Variants in ZBTB44 observed in about 807,000 individuals in gnomAD.
ZBTB44 encodes the protein zinc finger and BTB domain-containing protein 44.
ZBTB44 carries 15 observed loss-of-function variants against 54.0 expected under a neutral mutation model. The ratio of observed to expected loss-of-function variants is 0.28; its 90% CI spans 0.19 to 0.43. The LOEUF (loss-of-function observed/expected upper bound fraction) is 0.43, where lower values mean the gene tolerates loss of function less well. ZBTB44 is among the 20% of genes least tolerant of loss of function. The pLI is 1.00. For synonymous variants in ZBTB44, 230 were observed against 250.1 expected, an observed-to-expected ratio of 0.92 and a Z score of 0.76; for missense variants, 487 against 707.1, an observed-to-expected ratio of 0.69 and a Z score of 3.53.
intron 1 of ZBTB44, among the ~76,000 whole-genome samples, chr11:130,301,233 T>C (rs1318055025): frequency 6.6e-6 from 1 of 152,176 alleles, no homozygotes; most frequent in Non-Finnish European, 1.5e-5. Flanking sequence ...AGTTTATTGG[T>C]GGCGTGGTGA....
At chr11:130,245,668 T>C (rs1954610388) in intron 2 of ZBTB44, among the ~76,000 whole-genome samples, 1 of 151,532 alleles carries the variant, frequency 6.6e-6, no homozygotes, top group Non-Finnish European at 1.5e-5. Flanking sequence ...CACTATCAGG[T>C]TGTGAGAAGG....
Position 130,310,743 on chromosome 11 carries a change from T to C in ZBTB44, c.-57+3632A>G, listed in dbSNP as rs562476392. ...AGGTTTATCCAAATATAGTTTTTTT[T>C]TGTTTTGTTTTGCTTTTGAGATGGA... On this transcript the variant is annotated intron_variant, in intron 1 of 7. Coordinates refer to ENST00000357899, the MANE Select transcript of ZBTB44 (RefSeq NM_001301098.2). Among the ~76,000 whole-genome samples the C allele has an allele frequency of 5.3e-5, 8 of 152,244 alleles. No homozygotes were observed. In the South Asian group the frequency reaches 1.7e-3, roughly 32 times the overall value.
At chr11:130,313,907 G>GGTGTGT (rs59629267) in intron 1 of ZBTB44, among the ~76,000 whole-genome samples, 3,519 of 149,218 alleles carry the variant, frequency 0.024, 75 homozygotes, top group African/African-American at 0.054. Flanking sequence ...AAGGAAAAGA[G>GGTGTGT]GTGTGTGTGT....
intron 1 of ZBTB44, among the ~76,000 whole-genome samples, chr11:130,282,949 A>C (rs1204562329): frequency 6.6e-6 from 1 of 151,782 alleles, no homozygotes; most frequent in African/African-American, 2.4e-5. Context: ...AGTAGCTGGG[A>C]CTACAGGTCC....
chr11:130,282,802 G>A (rs903930449), intron 1 of ZBTB44, among the ~76,000 whole-genome samples: 12 of 152,070 alleles, frequency 7.9e-5, no homozygotes, highest in Admixed American at 3.3e-4. Flanking sequence ...CACGACACAC[G>A]ACAGCAGATG....
rs138984382 is a variant in ZBTB44 at position 130,246,477 on chromosome 11, A to G, written c.1019-6581T>C. On this transcript the variant is annotated intron_variant, in intron 2 of 7. Coordinates refer to ENST00000357899, the MANE Select transcript of ZBTB44 (RefSeq NM_001301098.2). ...ACAGTAAAACTGATTCACAGAGACA[A>G]TCAGCTTTATATGGGTCAGGGCTAG... 1.6e-3 allele frequency among the ~76,000 whole-genome samples: 240 copies of G among 152,254 alleles called. 5 individuals carry two copies. The South Asian group carries it at 0.035, about 22-fold the overall frequency.
At chr11:130,296,509 A>ACTGGACATTC in intron 1 of ZBTB44, 1 of 911,960 alleles carries the variant, frequency 1.1e-6, no homozygotes, top group Non-Finnish European at 1.7e-6. Context: ...TGGCAAGAGG[A>ACTGGACATTC]CTGGACATTC....
intron 1 of ZBTB44, among the ~76,000 whole-genome samples, chr11:130,311,719 G>C (rs1194763842): frequency 6.6e-6 from 1 of 152,152 alleles, no homozygotes; most frequent in Non-Finnish European, 1.5e-5. Context: ...CAAACATCCA[G>C]AACTTGGTTT....
rs776015314 is a variant in ZBTB44 at position 130,230,238 on chromosome 11, A to G, written c.*1526T>C. On this transcript the variant is annotated 3_prime_UTR_variant, in exon 8 of 8. Transcript: ENST00000357899. ...AGATTAAGAGAAAAAATTAGAAATA[A>G]AAGACTGAAAGATTTAATACAGCTT... is the stretch of plus-strand genomic sequence containing the variant. 5.9e-5 allele frequency: 9 copies of G among 152,004 alleles called. No individual in the cohort carries two copies. The highest frequency in any genetic ancestry group is 8.8e-5 in the Non-Finnish European group (6 of 67,894). The allele number at this position is 152,004 out of a possible 1,614,324, so 9.4% of individuals were successfully genotyped here. A position where few individuals can be genotyped will look rare whatever the true frequency, so the allele number is the denominator to read the frequency against.
chr11:130,274,031 T>C (rs1939873532), intron 1 of ZBTB44, among the ~76,000 whole-genome samples: 1 of 151,824 alleles, frequency 6.6e-6, no homozygotes, highest in South Asian at 2.1e-4. Flanking sequence ...GAGGTTTCAG[T>C]GAGCCAAGAG....
rs761474532 is a variant in ZBTB44, at chr11:130,260,918, G to A, written c.956C>T (p.Thr319Ile). The change falls in exon 2 of 8, where the codon ACA becomes ATA. Residue 319 changes from threonine (T) to isoleucine (I), a missense_variant. By Grantham distance (89) the Thr-to-Ile change is moderately conservative. Around this residue, in one of 3 missense-constraint regions of ZBTB44, gnomAD observed 277 missense variants for 306.5 expected, o/e 0.90. Coordinates refer to ENST00000357899, the MANE Select transcript of ZBTB44 (RefSeq NM_001301098.2). ...TTGGACTTGTTCACTTCCTGGAACT[G>A]TCTGCTGATCACTCAGCGAACTCTG... ...ASQSSLSDQQ[T>I]VPGSEQVQED... 2 of 1,613,888 alleles carry A rather than the reference G, an allele frequency of 1.2e-6. No individual in the cohort carries two copies. The highest frequency in any genetic ancestry group is 2.2e-5 in the East Asian group (1 of 44,900).
At chr11:130,312,403 T>A (rs1204047538) in intron 1 of ZBTB44, among the ~76,000 whole-genome samples, 2 of 152,216 alleles carry the variant, frequency 1.3e-5, no homozygotes, top group African/African-American at 2.4e-5. Flanking sequence ...GCCTCCTATA[T>A]TATGCAACAG....
At chr11:130,268,904 AG>A (rs1183085905) in intron 1 of ZBTB44, among the ~76,000 whole-genome samples, 1 of 151,382 alleles carries the variant, frequency 6.6e-6, no homozygotes, top group African/African-American at 2.4e-5. Flanking sequence ...AGAGAGAGAG[AG>A]AAAAAAAGAA....
intron 1 of ZBTB44, among the ~76,000 whole-genome samples, chr11:130,266,041 T>A (rs1311471305): frequency 6.6e-6 from 1 of 152,246 alleles, no homozygotes; most frequent in African/African-American, 2.4e-5. Context: ...TTTAGGAATT[T>A]CACAGCTAGA....
At chr11:130,296,442 A>T in intron 1 of ZBTB44, 1 of 1,291,720 alleles carries the variant, frequency 7.7e-7, no homozygotes, top group Admixed American at 2.2e-5. Flanking sequence ...TAAATGTACG[A>T]CCACATTCTT....
intron 1 of ZBTB44, among the ~76,000 whole-genome samples, chr11:130,293,622 G>GAAAAAAAA (rs771432644): frequency 1.0e-5 from 1 of 100,058 alleles, no homozygotes. Flanking sequence ...TCTACTTAAA[G>GAAAAAAAA]AAAAAAAAAA....
chr11:130,274,394 A>G (rs1939903346), intron 1 of ZBTB44, among the ~76,000 whole-genome samples: 2 of 152,236 alleles, frequency 1.3e-5, no homozygotes, highest in African/African-American at 4.8e-5. Flanking sequence ...CTCCAGTGCA[A>G]TGTTAAACAG....
chr11:130,254,004 T>A (rs1370789557), intron 2 of ZBTB44, among the ~76,000 whole-genome samples: 1 of 152,224 alleles, frequency 6.6e-6, no homozygotes, highest in Non-Finnish European at 1.5e-5. Flanking sequence ...CTGGGAAAAC[T>A]GGCTAGCCAT....
chr11:130,299,999 T>C lies in ZBTB44; in HGVS notation c.-57+14376A>G, dbSNP rs1379367311. Among the ~76,000 whole-genome samples, 6 of 152,194 alleles carry C rather than the reference T, an allele frequency of 3.9e-5. No individual in the cohort carries two copies. In the East Asian group the frequency reaches 1.2e-3, roughly 29 times the overall value. Reference sequence around the variant, plus strand: ...GCCTTAAAAAGGAAGGAAATTCAGATACATGCTGCAACACAAACAAACCTT... The same window carrying C: ...GCCTTAAAAAGGAAGGAAATTCAGACACATGCTGCAACACAAACAAACCTT... On this transcript the variant is annotated intron_variant, in intron 1 of 7. Coordinates refer to ENST00000357899, the MANE Select transcript of ZBTB44 (RefSeq NM_001301098.2).
Sources: allele counts gnomAD v4.1 joint callset (sites outside exome capture counted in the v4.1 genomes callset), GRCh38; gene constraint gnomAD v4.1.1; regional missense constraint gnomAD v4.1.1; transcripts MANE v1.5; gene names NCBI Gene and HGNC (gene_info 2026-07-23, HGNC 2026-07-21).